Variants in AGL observed in about 807,000 individuals in gnomAD.
AGL encodes the protein amylo-alpha-1,6-glucosidase and 4-alpha-glucanotransferase.
AGL carries 128 observed loss-of-function variants against 199.3 expected under a neutral mutation model. That is an observed-to-expected ratio of 0.64 (90% confidence interval 0.56 to 0.74). The LOEUF (loss-of-function observed/expected upper bound fraction) is 0.74, where lower values mean the gene tolerates loss of function less well. Ranked by LOEUF, AGL falls within the 30% of genes least tolerant of loss-of-function variation. The pLI, the probability that AGL is intolerant of heterozygous loss-of-function variation, is 0.00. For synonymous variants in AGL, 584 were observed against 594.7 expected (o/e 0.98, Z 0.26); for missense variants, 1,809 against 1,820.8 (o/e 0.99, Z 0.12).
At chr1:99,913,328 G>A (rs1654886876) in intron 29 of AGL, among the ~76,000 whole-genome samples, 199 bp from the exon 30 acceptor site, 1 of 151,946 alleles carries the variant, frequency 6.6e-6, no homozygotes, top group African/African-American at 2.4e-5. Flanking sequence ...TTCTTTTTGG[G>A]TGGTGCTACA....
At chr1:99,917,835 G>A (rs558183169) in intron 33 of AGL, among the ~76,000 whole-genome samples, 2 of 152,152 alleles carry the variant, frequency 1.3e-5, no homozygotes, top group Non-Finnish European at 2.9e-5. Flanking sequence ...CCCGGCCTGT[G>A]TGCTATCATC....
rs1487566521 is a variant in AGL, at chr1:99,880,640, A to C, written c.1744A>C (p.Ser582Arg). The C allele has an allele frequency of 6.2e-7, 1 of 1,613,960 alleles. No homozygotes were observed. The highest frequency in any genetic ancestry group is 1.1e-5 in the South Asian group (1 of 91,082). ...GISSLIREAMSAYNSHEEGRL... is the reference protein window; with the variant it reads ...GISSLIREAMRAYNSHEEGRL... ...TCTGTAATGCTCTGCAGAGGCAATG[A>C]GTGCATATAATAGTCATGAAGAGGG... The change falls in exon 14 of 34, where the codon AGT becomes CGT. Residue 582 changes from serine to arginine, a missense_variant. Physicochemically the swap from Ser to Arg is moderately radical, Grantham distance 110 (BLOSUM62 -1). Transcript: ENST00000361915.
At chr1:99,895,163 C>G (rs570294624) in intron 24 of AGL, among the ~76,000 whole-genome samples, 60 of 152,270 alleles carry the variant, frequency 3.9e-4, no homozygotes, top group African/African-American at 1.4e-3. Flanking sequence ...ATTCTCCTGC[C>G]TCAGCCACCC....
intron 33 of AGL, 72 bp from the exon 34 acceptor site, chr1:99,921,462 T>G: frequency 9.3e-7 from 1 of 1,078,920 alleles, no homozygotes; most frequent in Non-Finnish European, 1.4e-6. Context: ...AAGGCAAAAA[T>G]CACCAGGTCT....
At chr1:99,898,719 G>T (rs113943157) in intron 25 of AGL, among the ~76,000 whole-genome samples, 9 of 152,222 alleles carry the variant, frequency 5.9e-5, no homozygotes, top group African/African-American at 2.2e-4. Context: ...GGCCTCTCCA[G>T]GAGGCAAGCA....
intron 25 of AGL, among the ~76,000 whole-genome samples, chr1:99,898,191 C>T (rs144178663): frequency 0.013 from 2,022 of 152,040 alleles, 50 homozygotes; most frequent in African/African-American, 0.046. Context: ...GGACTACAGG[C>T]GCCCGCCACC....
chr1:99,880,202 TA>T (rs568604345), intron 13 of AGL, among the ~76,000 whole-genome samples, 156 bp downstream of exon 13: 60 of 152,362 alleles, frequency 3.9e-4, no homozygotes, highest in African/African-American at 1.3e-3. Context: ...TAACTCAGTC[TA>T]TTTTTATCAG....
At chr1:99,861,468 T>C (rs762546674) in intron 2 of AGL, 35 bp from the exon 3 acceptor site, 1 of 1,613,256 alleles carries the variant, frequency 6.2e-7, no homozygotes, top group South Asian at 1.1e-5. Context: ...ATTTAAGTCC[T>C]ACGATGAGTT....
At chr1:99,862,162 G>C in intron 3 of AGL, 95 bp from the exon 4 acceptor site, 2 of 1,201,190 alleles carry the variant, frequency 1.7e-6, no homozygotes, top group Non-Finnish European at 2.5e-6. Flanking sequence ...ATTTTATTTG[G>C]GACAATTAAC....
rs1196248861 is a variant in AGL, at chr1:99,891,206, C to G, written c.2813-14C>G. On this transcript the variant is annotated splice_polypyrimidine_tract_variant and intron_variant, in intron 21 of 33. Transcript: ENST00000361915. ...CTACCAATAATACAGCATGACATGT[C>G]TCTGAATTTTCAGGTTTAATGTCTG... The G allele has an allele frequency of 6.2e-7, 1 of 1,613,144 alleles. No homozygotes were observed. Among genetic ancestry groups the G allele is most frequent in the African/African-American group, 1.3e-5 (1 of 74,860 alleles).
chr1:99,909,309 G>A (rs1319771770), intron 27 of AGL, among the ~76,000 whole-genome samples: 1 of 152,124 alleles, frequency 6.6e-6, no homozygotes, highest in African/African-American at 2.4e-5. Context: ...GGTTGGGTGT[G>A]GAAGTTCATA....
chr1:99,861,147 T>A (rs576367375), intron 2 of AGL: 1 of 1,148,720 alleles, frequency 8.7e-7, no homozygotes, highest in Non-Finnish European at 1.1e-6. Flanking sequence ...AGGTCTCTCC[T>A]CAGATGCCTG....
intron 2 of AGL, among the ~76,000 whole-genome samples, chr1:99,857,295 G>C (rs1281094915): frequency 7.9e-5 from 12 of 151,930 alleles, no homozygotes; most frequent in Admixed American, 5.2e-4. Context: ...AGATGGGATG[G>C]CGGCCGGGAA....
In AGL at chr1:99,870,025, A is replaced by G. The variant is rs1008096364; in HGVS notation, c.665-375A>G. ...ATTCTGATTCTGAACTATAAGCTAC[A>G]TTCGTATTCCTTGAGCGTATTTATT... On this transcript the variant is annotated intron_variant, in intron 5 of 33. Transcript: ENST00000361915. Among the ~76,000 whole-genome samples the G allele has an allele frequency of 2.6e-5, 4 of 152,308 alleles. No homozygotes were observed. The East Asian group carries it at 5.8e-4, about 22-fold the overall frequency.
chr1:99,866,791 C>G (rs1415748554), intron 5 of AGL, among the ~76,000 whole-genome samples: 4 of 70,758 alleles, frequency 5.7e-5, no homozygotes, highest in African/African-American at 3.2e-4. Flanking sequence ...TTCTGTGAAA[C>G]AAGTTTTCTT....
intron 24 of AGL, among the ~76,000 whole-genome samples, chr1:99,893,224 A>T (rs1653042002): frequency 6.6e-6 from 1 of 152,212 alleles, no homozygotes; most frequent in Non-Finnish European, 1.5e-5. Context: ...TTCCAAACTA[A>T]ACTGAAAAAT....
At chr1:99,861,419 T>G in intron 2 of AGL, 84 bp from the exon 3 acceptor site, 1 of 1,588,194 alleles carries the variant, frequency 6.3e-7, no homozygotes, top group South Asian at 1.2e-5. Context: ...TCAAGGTTTT[T>G]TAATACTTTA....
At chr1:99,876,718 A>C in intron 11 of AGL, 121 bp downstream of exon 11, 1 of 1,213,422 alleles carries the variant, frequency 8.2e-7, no homozygotes, top group Non-Finnish European at 1.2e-6. Flanking sequence ...ATTTCACCAT[A>C]AAGGTACCAG....
intron 33 of AGL, among the ~76,000 whole-genome samples, chr1:99,917,577 TAA>T (rs553248783): frequency 4.3e-4 from 66 of 152,350 alleles, no homozygotes; most frequent in Admixed American, 1.1e-3. Context: ...TTGTGAAATT[TAA>T]ATGTTTGTTG....
Sources: gnomAD v4.1 joint callset for allele counts (sites outside exome capture counted in the v4.1 genomes callset) on GRCh38, gnomAD v4.1.1 for gene constraint, MANE v1.5 for transcripts, NCBI Gene and HGNC (gene_info 2026-07-23, HGNC 2026-07-21) for gene names.